FAXC: variants seen among roughly 807,000 people sequenced by gnomAD.
The protein encoded by FAXC is failed axon connections homolog, metaxin like GST domain containing.
Under a neutral mutation model 41.9 loss-of-function variants are expected in FAXC, and 10 were observed. The observed-to-expected ratio is 0.24, with a 90% CI of 0.15 to 0.41. The LOEUF is 0.41. Ranked by LOEUF, FAXC falls within the 10% of genes least tolerant of loss-of-function variation. The pLI, the probability that FAXC is intolerant of heterozygous loss-of-function variation, is 1.00. For synonymous variants in FAXC, 183 were observed against 183.8 expected, an observed-to-expected ratio of 1.00 and a Z score of 0.03; for missense variants, 399 against 510.9, an observed-to-expected ratio of 0.78 and a Z score of 2.11.
chr6:99,297,063 G>C (rs1389919840), intron 4 of FAXC, among the ~76,000 whole-genome samples: 3 of 152,160 alleles, frequency 2.0e-5, no homozygotes, highest in Admixed American at 6.5e-5. Flanking sequence ...ACCCAGACTT[G>C]AGTTCACTGT....
In FAXC at chr6:99,281,275, C is replaced by T; in HGVS notation, c.1119G>A (p.Glu373=). The T allele has an allele frequency of 6.2e-7, 1 of 1,614,170 alleles. No individual in the cohort carries two copies. The highest frequency in any genetic ancestry group is 8.5e-7 in the Non-Finnish European group (1 of 1,180,026). The stretch of plus-strand genomic sequence containing the variant: ...TTCTGGAAAAACTGTTTTCTGCTCC[C>T]TCATCTTCAAAGGTCTCTGTCCTTG... ...FYSRTETFED[E]GAENSFSRTP... Residue 373 remains glutamate, a synonymous_variant, in exon 6 of 6, where the codon GAG becomes GAA. Transcript: ENST00000389677.
chr6:99,288,384 TG>T (rs1771101095), intron 5 of FAXC, among the ~76,000 whole-genome samples: 1 of 152,082 alleles, frequency 6.6e-6, no homozygotes, highest in Admixed American at 6.6e-5. Context: ...GATGTGAGTG[TG>T]TATATACATG....
At chr6:99,293,740 T>TG (rs1771352222) in intron 4 of FAXC, among the ~76,000 whole-genome samples, 1 of 134,722 alleles carries the variant, frequency 7.4e-6, no homozygotes, top group Non-Finnish European at 1.7e-5. Context: ...GTGTGTGCAT[T>TG]TTATCTTTCC....
chr6:99,301,899 T>G (rs1220030880), intron 4 of FAXC, among the ~76,000 whole-genome samples: 1 of 152,204 alleles, frequency 6.6e-6, no homozygotes, highest in East Asian at 1.9e-4. Context: ...GGATTGGGGC[T>G]ATGTAGGTAT....
At chr6:99,334,227 C>T (rs1773135039) in intron 2 of FAXC, among the ~76,000 whole-genome samples, 1 of 152,152 alleles carries the variant, frequency 6.6e-6, no homozygotes, top group African/African-American at 2.4e-5. Flanking sequence ...TGATCTCTGC[C>T]TCCTGGTGTC....
At chr6:99,297,508 G>A (rs934209486) in intron 4 of FAXC, among the ~76,000 whole-genome samples, 7 of 152,136 alleles carry the variant, frequency 4.6e-5, no homozygotes, top group African/African-American at 1.7e-4. Flanking sequence ...AGAATAGGAG[G>A]GGACAAGCAG....
intron 4 of FAXC, among the ~76,000 whole-genome samples, chr6:99,306,385 G>A (rs563248399): frequency 3.3e-5 from 5 of 152,320 alleles, no homozygotes; most frequent in Non-Finnish European, 7.3e-5. Context: ...CTGGATGGAC[G>A]GTGCTGCCAT....
intron 2 of FAXC, among the ~76,000 whole-genome samples, chr6:99,338,460 A>G (rs1295192968): frequency 6.6e-6 from 1 of 152,158 alleles, no homozygotes; most frequent in Non-Finnish European, 1.5e-5. Context: ...CAGAAAGGAA[A>G]GTGCAGAAAA....
intron 4 of FAXC, among the ~76,000 whole-genome samples, chr6:99,314,712 C>G (rs1477301989): frequency 1.3e-5 from 2 of 152,220 alleles, no homozygotes; most frequent in Non-Finnish European, 2.9e-5. Context: ...ACTGTGAGCT[C>G]AGCCCCTGCC....
intron 4 of FAXC, among the ~76,000 whole-genome samples, chr6:99,314,807 G>A (rs1772277161): frequency 6.6e-6 from 1 of 152,162 alleles, no homozygotes; most frequent in Non-Finnish European, 1.5e-5. Context: ...CCCAGCTGCT[G>A]TTCATCTCAG....
At chr6:99,318,300 C>CAAAAAA (rs1445559462) in intron 4 of FAXC, among the ~76,000 whole-genome samples, 15 of 127,550 alleles carry the variant, frequency 1.2e-4, no homozygotes, top group South Asian at 7.8e-4. Flanking sequence ...CACACACACA[C>CAAAAAA]ACACACAAAA....
chr6:99,330,080 G>A (rs925912164), intron 3 of FAXC, among the ~76,000 whole-genome samples: 61 of 151,722 alleles, frequency 4.0e-4, no homozygotes, highest in Non-Finnish European at 2.7e-4. Context: ...GGGTGGTCTC[G>A]AACTCCTGGG....
chr6:99,288,851 CACACACAT>C (rs112868010), intron 5 of FAXC, among the ~76,000 whole-genome samples: 6 of 130,912 alleles, frequency 4.6e-5, no homozygotes, highest in African/African-American at 1.7e-4. Flanking sequence ...TGAATCGACA[CACACACAT>C]ACACACACAC....
chr6:99,306,560 G>A (rs1771929388), intron 4 of FAXC, among the ~76,000 whole-genome samples: 1 of 152,176 alleles, frequency 6.6e-6, no homozygotes, highest in African/African-American at 2.4e-5. Flanking sequence ...AGATAAATAT[G>A]TGGGAGTATG....
intron 4 of FAXC, among the ~76,000 whole-genome samples, chr6:99,321,814 C>T (rs1435908530): frequency 6.6e-6 from 1 of 152,138 alleles, no homozygotes; most frequent in Non-Finnish European, 1.5e-5. Context: ...AGAAATGTCC[C>T]GAAAGGTGAA....
Position 99,281,100 on chromosome 6 carries a change from C to G in FAXC, c.*64G>C. 2 of 793,908 alleles carry G rather than the reference C, an allele frequency of 2.5e-6. No individual in the cohort carries two copies. Among genetic ancestry groups the G allele is most frequent in the Non-Finnish European group, 4.5e-6 (2 of 445,296 alleles). The allele number at this position is 793,908 out of a possible 1,614,324, so 49.2% of individuals were successfully genotyped here. On this transcript the variant is annotated 3_prime_UTR_variant, in exon 6 of 6. Coordinates refer to ENST00000389677, the MANE Select transcript of FAXC (RefSeq NM_032511.4). The stretch of plus-strand genomic sequence containing the variant: ...CCTCCCAGCTCGGATGGATTGCTAC[C>G]TGGGAAAATGGACCGACCCAGGGAG...
chr6:99,292,284 AG>A (rs1363921980), intron 4 of FAXC, among the ~76,000 whole-genome samples: 1 of 152,192 alleles, frequency 6.6e-6, no homozygotes, highest in Admixed American at 6.5e-5. Flanking sequence ...GCTCCTTAAG[AG>A]GTTTGGAGGT....
In FAXC at chr6:99,279,689, C is replaced by T. The variant is rs1390233547; in HGVS notation, c.*1475G>A. On this transcript the variant is annotated 3_prime_UTR_variant, in exon 6 of 6. Transcript: ENST00000389677. ...TCCTAAGTCAAAACAACAACAACAA[C>T]AACAACTTCATCTTTAGAAATAGGG... The T allele has an allele frequency of 6.6e-6, 1 of 152,146 alleles. No homozygotes were observed. Among genetic ancestry groups the T allele is most frequent in the African/African-American group, 2.4e-5 (1 of 41,398 alleles). The allele number at this position is 152,146 out of a possible 1,614,324, so 9.4% of individuals were successfully genotyped here. A position where few individuals can be genotyped will look rare whatever the true frequency, so the allele number is the denominator to read the frequency against.
chr6:99,335,364 T>A (rs1190979947), intron 2 of FAXC, among the ~76,000 whole-genome samples: 2 of 152,268 alleles, frequency 1.3e-5, no homozygotes, highest in Non-Finnish European at 2.9e-5. Flanking sequence ...CCTTGCTTTG[T>A]GCTAGTAACT....
Sources: allele counts gnomAD v4.1 joint callset (sites outside exome capture counted in the v4.1 genomes callset), GRCh38; gene constraint gnomAD v4.1.1; transcripts MANE v1.5; gene names NCBI Gene and HGNC (gene_info 2026-07-23, HGNC 2026-07-21).